The following NFKBIE variants were observed in gnomAD, a reference collection of about 807,000 sequenced individuals.
The protein encoded by NFKBIE is NF-kappa-B inhibitor epsilon.
NFKBIE carries 11 observed loss-of-function variants against 31.6 expected under a neutral mutation model. The ratio of observed to expected loss-of-function variants is 0.35; its 90% CI spans 0.22 to 0.58. The LOEUF is 0.58. Among genes scored for constraint, NFKBIE ranks in the 20% least tolerant of loss-of-function variants. The pLI, the probability that NFKBIE is intolerant of heterozygous loss-of-function variation, is 0.83. For missense variants in NFKBIE, 354 were observed against 465.7 expected (o/e 0.76, Z 2.21); for synonymous variants, 208 against 210.1 (o/e 0.99, Z 0.09).
rs1782065132 is a variant in NFKBIE, at chr6:44,264,982, G to A, written c.365C>T (p.Thr122Met). 6.4e-7 allele frequency: 1 copy of A among 1,564,682 alleles called. No individual in the cohort carries two copies. Among genetic ancestry groups the A allele is most frequent in the African/African-American group, 1.3e-5 (1 of 74,600 alleles). The change falls in exon 1 of 6, where the codon ACG (threonine) becomes ATG (methionine). Residue 122 changes from threonine (T) to methionine (M), a missense_variant and splice_region_variant. By Grantham distance (81) the Thr-to-Met change is moderately conservative (BLOSUM62 -1). This residue lies in a region of NFKBIE where 183 missense variants were observed against 310.6 expected (regional missense o/e 0.59). Transcript: ENST00000619360. ...ALTYISEDGD[T>M]LVHLAVIHEA... Reference sequence around the variant, plus strand: ...GATTCAGCCTAGCCCCCATACTCACGTGTCTCCGTCCTCGGAGATGTAAGT... The same window carrying A: ...GATTCAGCCTAGCCCCCATACTCACATGTCTCCGTCCTCGGAGATGTAAGT...
chr6:44,258,888 G>C lies in NFKBIE; in HGVS notation c.*331C>G. On this transcript the variant is annotated 3_prime_UTR_variant, in exon 6 of 6. Transcript: ENST00000619360. ...TCAGGAGAGTCCATGCTTCCTACTG[G>C]TTGGCAGTTTCAGGCTGACCCAACA... 4.1e-6 allele frequency: 1 copy of C among 244,104 alleles called. No individual in the cohort carries two copies. The highest frequency in any genetic ancestry group is 8.5e-6 in the Non-Finnish European group (1 of 118,236). 15.1% of individuals were successfully genotyped at this position (244,104 alleles called of 1,614,324 possible).
Position 44,265,544 on chromosome 6 carries a change from C to G in NFKBIE, c.-198G>C. 1 of 1,574,596 alleles carries G rather than the reference C, an allele frequency of 6.4e-7. No individual in the cohort carries two copies. The highest frequency in any genetic ancestry group is 8.6e-7 in the Non-Finnish European group (1 of 1,162,090). On this transcript the variant is annotated 5_prime_UTR_variant, in exon 1 of 6. Transcript: ENST00000619360. Reference sequence around the variant, plus strand: ...CGGAGCGCTGGCCAGGTCCACCCAGCGGTTACTGTGGGCAGCCGAACCGCC... The same window carrying G: ...CGGAGCGCTGGCCAGGTCCACCCAGGGGTTACTGTGGGCAGCCGAACCGCC...
chr6:44,261,790 A>G lies in NFKBIE; in HGVS notation c.527T>C (p.Leu176Pro). The change falls in exon 3 of 6, where the codon CTG becomes CCG. Residue 176 changes from leucine (L) to proline (P), a missense_variant. By Grantham distance (98) the Leu-to-Pro change is moderately conservative. Around this residue, in one of 2 missense-constraint regions of NFKBIE, gnomAD observed 183 missense variants for 310.6 expected, o/e 0.59. Transcript: ENST00000619360. The surrounding 1 kb of genome is among the most constrained non-coding windows in gnomAD (Gnocchi z 4.3). ...DQPGAVRALV[L>P]KGASRALQDR... The stretch of plus-strand genomic sequence containing the variant: ...CTGTAGTGCCCGGCTGGCCCCCTTC[A>G]GCACCAGTGCCCGAACTGCGCCCGG... 1 of 1,613,554 alleles carries G rather than the reference A, an allele frequency of 6.2e-7. No homozygotes were observed. The highest frequency in any genetic ancestry group is 8.5e-7 in the Non-Finnish European group (1 of 1,180,014).
chr6:44,261,982 C>A lies in NFKBIE; in HGVS notation c.469-134G>T. ...TTATAAAGGCCATAACCTGTTCTTC[C>A]AAGGAAATACTACCGAGCCCTTCCC... is the stretch of plus-strand genomic sequence containing the variant. On this transcript the variant is annotated intron_variant, in intron 2 of 5. Coordinates refer to ENST00000619360, the MANE Select transcript of NFKBIE (RefSeq NM_004556.3). The surrounding 1 kb of genome is among the most constrained non-coding windows in gnomAD (Gnocchi z 4.3). 1 of 795,662 alleles carries A rather than the reference C, an allele frequency of 1.3e-6. No individual in the cohort carries two copies. The highest frequency in any genetic ancestry group is 2.0e-6 in the Non-Finnish European group (1 of 501,850). The allele number at this position is 795,662 out of a possible 1,614,324, so 49.3% of individuals were successfully genotyped here.
rs191114581 is a variant in NFKBIE at position 44,261,314 on chromosome 6, C to T, written c.691+312G>A. On this transcript the variant is annotated intron_variant, in intron 3 of 5. Transcript: ENST00000619360. This position sits in a 1 kb window ranked among gnomAD's most constrained non-coding sequence, Gnocchi z 4.3. Reference sequence around the variant, plus strand: ...GATGCAAGTGTAGCTCCTAGGATAACGTCTGGCACATAGAAAACCCTCAGT... The same window carrying T: ...GATGCAAGTGTAGCTCCTAGGATAATGTCTGGCACATAGAAAACCCTCAGT... Among the ~76,000 whole-genome samples, 13 of 152,214 alleles carry T rather than the reference C, an allele frequency of 8.5e-5. No individual in the cohort carries two copies. Among genetic ancestry groups the T allele is most frequent in the Admixed American group, 1.3e-4 (2 of 15,286 alleles).
At position 44,263,241 on chromosome 6, in the gene NFKBIE, G is replaced by A. The variant is rs1023558589; in HGVS notation, c.366-579C>T. ...CCTCTCAGATAGCACAGACCAGGTC[G>A]GGCCTAACAGAGGCCCTCCATTCCT... On this transcript the variant is annotated intron_variant, in intron 1 of 5. Transcript: ENST00000619360. This position sits in a 1 kb window ranked among gnomAD's most constrained non-coding sequence, Gnocchi z 5.0. Among the ~76,000 whole-genome samples the A allele has an allele frequency of 6.6e-6, 1 of 152,224 alleles. No homozygotes were observed. The highest frequency in any genetic ancestry group is 2.1e-4 in the South Asian group (1 of 4,832).
rs1782067563 is a variant in NFKBIE at position 44,265,034 on chromosome 6, G to A, written c.313C>T (p.Leu105=). The change falls in exon 1 of 6, where the codon CTG becomes TTG. Residue 105 remains leucine, a synonymous_variant. Transcript: ENST00000619360. ...AGTGCTTCCAGCTGCTGAGGGCTCAGCGCCCCCACGTGGGGGAGTGGCAGG... is the reference window on the plus strand; with the variant it reads ...AGTGCTTCCAGCTGCTGAGGGCTCAACGCCCCCACGTGGGGGAGTGGCAGG... The part of the protein sequence containing the change: ...PRLPLPHVGA[L]SPQQLEALTY... 2 of 1,585,132 alleles carry A rather than the reference G, an allele frequency of 1.3e-6. No homozygotes were observed. Among genetic ancestry groups the A allele is most frequent in the Non-Finnish European group, 8.6e-7 (1 of 1,165,914 alleles).
chr6:44,258,532 A>T lies in NFKBIE; in HGVS notation c.*687T>A, dbSNP rs533284879. 1 of 152,486 alleles carries T rather than the reference A, an allele frequency of 6.6e-6. No homozygotes were observed. Among genetic ancestry groups the T allele is most frequent in the Non-Finnish European group, 1.5e-5 (1 of 68,198 alleles). The allele number at this position is 152,486 out of a possible 1,614,324, so 9.4% of individuals were successfully genotyped here. On this transcript the variant is annotated 3_prime_UTR_variant, in exon 6 of 6. Transcript: ENST00000619360. ...TGGACACAGAGAAAGGCCTGGAACTACTGGCCTCTGACCCCACCCAGCAAG... is the reference window on the plus strand; with the variant it reads ...TGGACACAGAGAAAGGCCTGGAACTTCTGGCCTCTGACCCCACCCAGCAAG...
Position 44,265,103 on chromosome 6 carries a change from G to T in NFKBIE, c.244C>A (p.Leu82Met). ...TYGSSSLTYT[L>M]SLLGGPEAED... ...GCCTCGGGGCCCCCCAGCAAGGACA[G>T]GGTGTAGGTGAGCGAGGAGGAGCCA... The change falls in exon 1 of 6, where the codon CTG (leucine) becomes ATG (methionine). Residue 82 changes from leucine (L) to methionine (M), a missense_variant. This residue lies in a region of NFKBIE where 171 missense variants were observed against 155.1 expected (regional missense o/e 1.10). Coordinates refer to ENST00000619360, the MANE Select transcript of NFKBIE (RefSeq NM_004556.3). 6.4e-7 allele frequency: 1 copy of T among 1,556,358 alleles called. No individual in the cohort carries two copies. The highest frequency in any genetic ancestry group is 8.7e-7 in the Non-Finnish European group (1 of 1,148,934).
chr6:44,261,802 C>T lies in NFKBIE; in HGVS notation c.515G>A (p.Arg172Gln), dbSNP rs886418320. 38 of 1,612,866 alleles carry T rather than the reference C, an allele frequency of 2.4e-5. No individual in the cohort carries two copies. Among genetic ancestry groups the T allele is most frequent in the East Asian group, 1.3e-4 (6 of 44,888 alleles). ...GCTGGCCCCCTTCAGCACCAGTGCC[C>T]GAACTGCGCCCGGTTGGTCCAGATG... ...AVHLDQPGAV[R>Q]ALVLKGASRA... The change falls in exon 3 of 6, where the codon CGG becomes CAG. Residue 172 changes from arginine (R) to glutamine (Q), a missense_variant. Coordinates refer to ENST00000619360, the MANE Select transcript of NFKBIE (RefSeq NM_004556.3). The surrounding 1 kb of genome is among the most constrained non-coding windows in gnomAD (Gnocchi z 4.3).
At position 44,265,131 on chromosome 6, in the gene NFKBIE, G is replaced by A. The variant is rs1375084097; in HGVS notation, c.216C>T (p.Thr72=). 1.3e-6 allele frequency: 2 copies of A among 1,552,756 alleles called. No homozygotes were observed. The highest frequency in any genetic ancestry group is 1.7e-6 in the Non-Finnish European group (2 of 1,147,428). Residue 72 remains threonine, a synonymous_variant, in exon 1 of 6, where the codon ACC becomes ACT. Coordinates refer to ENST00000619360, the MANE Select transcript of NFKBIE (RefSeq NM_004556.3). ...TGTAGGTGAGCGAGGAGGAGCCATA[G>A]GTGGAATCAGCCCGCTCCCCATCCG... ...EDADGERADS[T]YGSSSLTYTL...
Position 44,260,389 on chromosome 6 carries a change from C to G in NFKBIE, c.780+62G>C. On this transcript the variant is annotated intron_variant, in intron 4 of 5. Coordinates refer to ENST00000619360, the MANE Select transcript of NFKBIE (RefSeq NM_004556.3). This position sits in a 1 kb window ranked among gnomAD's most constrained non-coding sequence, Gnocchi z 5.5. ...CCACTTCTGACTGCTGGGCAGGGGA[C>G]TTGGGGATGTGTCAGGTGGGGGCAG... The G allele has an allele frequency of 6.2e-7, 1 of 1,613,550 alleles. No individual in the cohort carries two copies. Among genetic ancestry groups the G allele is most frequent in the Non-Finnish European group, 8.5e-7 (1 of 1,179,538 alleles).
rs1336372088 is a variant in NFKBIE, at chr6:44,259,982, A to G, written c.1020+61T>C. Reference sequence around the variant, plus strand: ...GGCTCCCTGGCCCTTTCAGCTAATGACAGAACCTCTCTCTGCTATGGGTGT... The same window carrying G: ...GGCTCCCTGGCCCTTTCAGCTAATGGCAGAACCTCTCTCTGCTATGGGTGT... On this transcript the variant is annotated intron_variant, in intron 5 of 5. Transcript: ENST00000619360. The G allele has an allele frequency of 1.2e-5, 19 of 1,576,684 alleles. 1 individual carries two copies. In the South Asian group the frequency reaches 1.7e-4, roughly 14 times the overall value.
chr6:44,265,183 A>G lies in NFKBIE; in HGVS notation c.164T>C (p.Val55Ala), dbSNP rs2233434. 0.047 allele frequency: 72,261 copies of G among 1,551,674 alleles called. 2,343 individuals carry two copies. Among genetic ancestry groups the G allele is most frequent in the East Asian group, 0.19 (7,768 of 40,926 alleles). ...PQPCTHPPGP[V>A]KEPQEKEDAD... ...GTCTTCCTTCTCCTGTGGTTCCTTGACGGGTCCCGGAGGATGGGTGCAGGG... is the reference window on the plus strand; with the variant it reads ...GTCTTCCTTCTCCTGTGGTTCCTTGGCGGGTCCCGGAGGATGGGTGCAGGG... The change falls in exon 1 of 6, where the codon GTC becomes GCC. Residue 55 changes from valine to alanine, a missense_variant. Physicochemically the swap from Val to Ala is moderately conservative, Grantham distance 64. Around this residue, in one of 2 missense-constraint regions of NFKBIE, gnomAD observed 171 missense variants for 155.1 expected, o/e 1.10. Transcript: ENST00000619360.
rs1302135946 is a variant in NFKBIE, at chr6:44,265,154, C to G, written c.193G>C (p.Asp65His). Reference protein sequence around the residue: ...VKEPQEKEDADGERADSTYGS... With the variant: ...VKEPQEKEDAHGERADSTYGS... ...TAGGTGGAATCAGCCCGCTCCCCAT[C>G]CGCGTCTTCCTTCTCCTGTGGTTCC... The change falls in exon 1 of 6, where the codon GAT becomes CAT. Residue 65 changes from aspartate (D) to histidine (H), a missense_variant. Transcript: ENST00000619360. 6.4e-7 allele frequency: 1 copy of G among 1,552,036 alleles called. No individual in the cohort carries two copies. The highest frequency in any genetic ancestry group is 2.4e-5 in the East Asian group (1 of 40,972).
At chr6:44,264,214 G>C (rs1208924339) in intron 1 of NFKBIE, among the ~76,000 whole-genome samples, 2 of 152,050 alleles carry the variant, frequency 1.3e-5, no homozygotes, top group East Asian at 1.9e-4. Context: ...CTTCTTCCTG[G>C]GGGGCTAAAT....
In NFKBIE at chr6:44,261,035, C is replaced by T. The variant is rs891526561; in HGVS notation, c.692-496G>A. On this transcript the variant is annotated intron_variant, in intron 3 of 5. Transcript: ENST00000619360. The surrounding 1 kb of genome is among the most constrained non-coding windows in gnomAD (Gnocchi z 4.3). ...CCTTTCTAGTCTGGACACTCCCGAC[C>T]CTTGCTTAGTAATAGAGATTTCGAT... 2.0e-5 allele frequency among the ~76,000 whole-genome samples: 3 copies of T among 152,134 alleles called. No individual in the cohort carries two copies. Among genetic ancestry groups the T allele is most frequent in the Non-Finnish European group, 4.4e-5 (3 of 68,010 alleles).
chr6:44,265,156 G>C lies in NFKBIE; in HGVS notation c.191C>G (p.Ala64Gly). ...PVKEPQEKED[A>G]DGERADSTYG... ...GGTGGAATCAGCCCGCTCCCCATCC[G>C]CGTCTTCCTTCTCCTGTGGTTCCTT... Residue 64 changes from alanine to glycine, a missense_variant, in exon 1 of 6, where the codon GCG (alanine) becomes GGG (glycine). Physicochemically the swap from Ala to Gly is moderately conservative, Grantham distance 60 (BLOSUM62 0). Around this residue, in one of 2 missense-constraint regions of NFKBIE, gnomAD observed 171 missense variants for 155.1 expected, o/e 1.10. Coordinates refer to ENST00000619360, the MANE Select transcript of NFKBIE (RefSeq NM_004556.3). 6.4e-7 allele frequency: 1 copy of C among 1,551,990 alleles called. No homozygotes were observed.
In NFKBIE at chr6:44,261,858, C is replaced by T; in HGVS notation, c.469-10G>A. On this transcript the variant is annotated splice_polypyrimidine_tract_variant and intron_variant, in intron 2 of 5. Coordinates refer to ENST00000619360, the MANE Select transcript of NFKBIE (RefSeq NM_004556.3). The surrounding 1 kb of genome is among the most constrained non-coding windows in gnomAD (Gnocchi z 4.3). ...CCAGATGGAGTGCTGTCTGGAGGCA[C>T]AAATAGAGGGTCATGGGGCCACTGC... 2.5e-6 allele frequency: 4 copies of T among 1,602,916 alleles called. No homozygotes were observed. The highest frequency in any genetic ancestry group is 3.4e-6 in the Non-Finnish European group (4 of 1,176,976).
Sources: gnomAD v4.1 joint callset for allele counts (sites outside exome capture counted in the v4.1 genomes callset) on GRCh38, gnomAD v4.1.1 for gene constraint, gnomAD v4.1.1 regional missense constraint, Gnocchi (gnomAD v3.1) non-coding constraint, MANE v1.5 for transcripts, NCBI Gene and HGNC (gene_info 2026-07-23, HGNC 2026-07-21) for gene names.